Variants in TM4SF1 observed in about 807,000 individuals in gnomAD.
TM4SF1 encodes the protein transmembrane 4 L six family member 1, also known as transmembrane 4 L6 family member 1.
A neutral mutation model predicts 24.5 loss-of-function variants in TM4SF1; 20 were observed. The observed-to-expected ratio is 0.82, with a 90% CI of 0.57 to 1.19. The LOEUF is 1.19. Among genes scored for constraint, TM4SF1 ranks in the 50% most tolerant of loss-of-function variants. The pLI, the probability that TM4SF1 is intolerant of heterozygous loss-of-function variation, is 0.00. For missense variants in TM4SF1, 258 were observed against 248.1 expected, an observed-to-expected ratio of 1.04 and a Z score of -0.27; for synonymous variants, 107 against 95.4, an observed-to-expected ratio of 1.12 and a Z score of -0.71.
At position 149,369,688 on chromosome 3, in the gene TM4SF1, A is replaced by T. The variant is rs1370410779; in HGVS notation, c.*178T>A. On this transcript the variant is annotated 3_prime_UTR_variant, in exon 5 of 5. Transcript: ENST00000305366. The stretch of plus-strand genomic sequence containing the variant: ...AAAACAAATAAACAAACAAAAAAGA[A>T]GTTTACTAAATTTAAACACTGACAT... The T allele has an allele frequency of 2.9e-6, 2 of 695,772 alleles. No individual in the cohort carries two copies. Among genetic ancestry groups the T allele is most frequent in the South Asian group, 2.2e-5 (1 of 45,774 alleles). The allele number at this position is 695,772 out of a possible 1,614,324, so 43.1% of individuals were successfully genotyped here.
chr3:149,372,727 C>T (rs1461159526), intron 3 of TM4SF1, among the ~76,000 whole-genome samples: 1 of 152,162 alleles, frequency 6.6e-6, no homozygotes, highest in African/African-American at 2.4e-5. Flanking sequence ...AGGTTCAAGC[C>T]ATTCTCCTGC....
At chr3:149,372,613 A>T (rs1731851327) in intron 3 of TM4SF1, among the ~76,000 whole-genome samples, 1 of 152,140 alleles carries the variant, frequency 6.6e-6, no homozygotes, top group South Asian at 2.1e-4. Flanking sequence ...ATTAAACCCA[A>T]CTAATTTGAT....
In TM4SF1 at chr3:149,375,767, C is replaced by T. The variant is rs569147611; in HGVS notation, c.180G>A (p.Met60Ile). The change falls in exon 2 of 5, where the codon ATG (methionine) becomes ATA (isoleucine). Residue 60 changes from methionine (M) to isoleucine (I), a missense_variant and splice_region_variant. Transcript: ENST00000305366. ...CAATGAAGACAAATGCTGGCAGGAG[C>T]ATCTGGTTAGGAAACAAACAAAGTC... is the stretch of plus-strand genomic sequence containing the variant. ...FSGIVGGGLL[M>I]LLPAFVFIGL... The T allele has an allele frequency of 6.2e-7, 1 of 1,614,154 alleles. No individual in the cohort carries two copies. Among genetic ancestry groups the T allele is most frequent in the Admixed American group, 1.7e-5 (1 of 60,022 alleles).
chr3:149,375,622 C>A (rs762999754), intron 2 of TM4SF1, 34 bp from the exon 3 acceptor site: 1 of 1,614,078 alleles, frequency 6.2e-7, no homozygotes, highest in Non-Finnish European at 8.5e-7. Context: ...AAGTGAGCCA[C>A]AGAGTGCCAC....
chr3:149,375,464 G>T lies in TM4SF1; in HGVS notation c.392C>A (p.Thr131Asn), dbSNP rs750428909. The change falls in exon 3 of 5, where the codon ACC becomes AAC. Residue 131 changes from threonine (T) to asparagine (N), a missense_variant. Transcript: ENST00000305366. The part of the protein sequence containing the change: ...CLDSLGQWNY[T>N]FASTEGQYLL... ...ATACTGGCCCTCAGTGCTGGCAAAG[G>T]TGTAGTTCCACTGGCCGAGGGAATC... 1.5e-5 allele frequency: 25 copies of T among 1,614,196 alleles called. No individual in the cohort carries two copies. The highest frequency in any genetic ancestry group is 2.1e-5 in the Non-Finnish European group (25 of 1,180,044).
chr3:149,375,407 T>C, intron 3 of TM4SF1, 36 bp downstream of exon 3: 1 of 1,610,500 alleles, frequency 6.2e-7, no homozygotes, highest in South Asian at 1.1e-5. Flanking sequence ...ATGTGGTGGA[T>C]AAAAATGTGT....
intron 3 of TM4SF1, among the ~76,000 whole-genome samples, chr3:149,373,251 A>T (rs1234298750): frequency 6.6e-6 from 1 of 152,202 alleles, no homozygotes; most frequent in Non-Finnish European, 1.5e-5. Flanking sequence ...ATGTCAGCAA[A>T]CCATACTGAG....
rs772308148 is a variant in TM4SF1, at chr3:149,371,758, T to C, written c.523A>G (p.Ile175Val). The change falls in exon 4 of 5, where the codon ATC becomes GTC. Residue 175 changes from isoleucine (I) to valine (V), a missense_variant. By Grantham distance (29) the Ile-to-Val change is conservative. Transcript: ENST00000305366. The part of the protein sequence containing the change: ...ILLALGGIEF[I>V]LCLIQVINGV... ...TTTATTACTTGAATAAGACACAAGATGAATTCAATTCCACCAAGAGCCAAG... is the reference window on the plus strand; with the variant it reads ...TTTATTACTTGAATAAGACACAAGACGAATTCAATTCCACCAAGAGCCAAG... The C allele has an allele frequency of 5.6e-6, 9 of 1,613,978 alleles. No individual in the cohort carries two copies. The highest frequency in any genetic ancestry group is 1.3e-5 in the African/African-American group (1 of 74,916).
chr3:149,376,875 C>T (rs1302427777), intron 1 of TM4SF1, among the ~76,000 whole-genome samples: 1 of 152,194 alleles, frequency 6.6e-6, no homozygotes, highest in Admixed American at 6.5e-5. Flanking sequence ...ACGCCACACC[C>T]CAGCCTTACA....
chr3:149,369,589 T>C lies in TM4SF1; in HGVS notation c.*277A>G, dbSNP rs1012401379. The C allele has an allele frequency of 9.5e-5, 37 of 388,548 alleles. No homozygotes were observed. Among genetic ancestry groups the C allele is most frequent in the Non-Finnish European group, 9.2e-5 (20 of 217,786 alleles). The allele number at this position is 388,548 out of a possible 1,614,324, so 24.1% of individuals were successfully genotyped here. A position where few individuals can be genotyped will look rare whatever the true frequency, so the allele number is the denominator to read the frequency against. ...AACATTATAGAGTTTATCTCAGATA[T>C]ACTGAGTACTGTCACTCAGTCTGTA... On this transcript the variant is annotated 3_prime_UTR_variant, in exon 5 of 5. Coordinates refer to ENST00000305366, the MANE Select transcript of TM4SF1 (RefSeq NM_014220.3).
At position 149,369,283 on chromosome 3, in the gene TM4SF1, G is replaced by A. The variant is rs1302781079; in HGVS notation, c.*583C>T. ...AGTACTCACAACAATGAGCAGCATTGTAAGTTGTGATGCATTCATTTGGAT... is the reference window on the plus strand; with the variant it reads ...AGTACTCACAACAATGAGCAGCATTATAAGTTGTGATGCATTCATTTGGAT... On this transcript the variant is annotated 3_prime_UTR_variant, in exon 5 of 5. Transcript: ENST00000305366. The A allele has an allele frequency of 2.0e-5, 3 of 152,926 alleles. No homozygotes were observed. The allele number at this position is 152,926 out of a possible 1,614,324, so 9.5% of individuals were successfully genotyped here.
intron 4 of TM4SF1, 176 bp from the exon 5 acceptor site, chr3:149,370,056 C>G (rs1731783885): frequency 2.9e-6 from 2 of 682,638 alleles, no homozygotes; most frequent in Non-Finnish European, 4.6e-6. Flanking sequence ...CTAAACAAAC[C>G]CAGATCCCTT....
At position 149,377,389 on chromosome 3, in the gene TM4SF1, G is replaced by A. The variant is rs371558685; in HGVS notation, c.159C>T (p.Ile53=). ...GACTTACCAGCAGGCCACCTCCTAC[G>A]ATGCCAGAAAAGAACCACACGAAGC... The part of the protein sequence containing the change: ...LSRFVWFFSG[I]VGGGLLMLLP... The change falls in exon 1 of 5, where the codon ATC becomes ATT. Residue 53 remains isoleucine (I), a synonymous_variant. Transcript: ENST00000305366. 11 of 1,613,844 alleles carry A rather than the reference G, an allele frequency of 6.8e-6. No homozygotes were observed. The highest frequency in any genetic ancestry group is 6.7e-5 in the African/African-American group (5 of 74,910).
intron 3 of TM4SF1, 104 bp downstream of exon 3, chr3:149,375,339 G>T: frequency 7.0e-7 from 1 of 1,420,582 alleles, no homozygotes; most frequent in Non-Finnish European, 9.7e-7. Flanking sequence ...CTGGCTAGGT[G>T]GGTGGATGGA....
At chr3:149,373,953 CT>C (rs1731891800) in intron 3 of TM4SF1, among the ~76,000 whole-genome samples, 1 of 152,166 alleles carries the variant, frequency 6.6e-6, no homozygotes, top group Non-Finnish European at 1.5e-5. Context: ...CCATTTTCTA[CT>C]AGTACATCCA....
Position 149,377,454 on chromosome 3 carries a change from T to G in TM4SF1, c.94A>C (p.Asn32His), listed in dbSNP as rs1238366873. The change falls in exon 1 of 5, where the codon AAT (asparagine) becomes CAT (histidine). Residue 32 changes from asparagine (N) to histidine (H), a missense_variant. Asn to His is a moderately conservative substitution (Grantham distance 68, BLOSUM62 1). Transcript: ENST00000305366. ...IAANILLYFP[N>H]GETKYASENH... is the part of the protein sequence containing the mutation. ...TCGGAGGCATACTTTGTTTCCCCATTGGGAAAGTAAAGCAAAATATTAGCC... is the reference window on the plus strand; with the variant it reads ...TCGGAGGCATACTTTGTTTCCCCATGGGGAAAGTAAAGCAAAATATTAGCC... 2 of 1,614,090 alleles carry G rather than the reference T, an allele frequency of 1.2e-6. No individual in the cohort carries two copies. The highest frequency in any genetic ancestry group is 1.7e-6 in the Non-Finnish European group (2 of 1,180,010).
intron 3 of TM4SF1, among the ~76,000 whole-genome samples, chr3:149,372,809 A>T (rs770278374): frequency 1.3e-4 from 20 of 152,136 alleles, no homozygotes; most frequent in Non-Finnish European, 2.6e-4. Flanking sequence ...CACTTTCATG[A>T]TGCTGTGCCC....
intron 3 of TM4SF1, among the ~76,000 whole-genome samples, chr3:149,374,175 T>A (rs1020850906): frequency 3.9e-5 from 6 of 152,198 alleles, no homozygotes; most frequent in African/African-American, 1.2e-4. Context: ...TTAATTCTCA[T>A]GACAATTGCC....
chr3:149,370,001 A>G, intron 4 of TM4SF1, 121 bp from the exon 5 acceptor site: 10 of 1,260,876 alleles, frequency 7.9e-6, no homozygotes, highest in Non-Finnish European at 1.1e-5. Context: ...AGCAAAGCTT[A>G]GGCCAACCAT....
Sources: gnomAD v4.1 joint callset for allele counts (sites outside exome capture counted in the v4.1 genomes callset) on GRCh38, gnomAD v4.1.1 for gene constraint, MANE v1.5 for transcripts, NCBI Gene and HGNC (gene_info 2026-07-23, HGNC 2026-07-21) for gene names.